The following EPHA3 variants were observed in gnomAD, a reference collection of about 807,000 sequenced individuals.
EPHA3 encodes EPH receptor A3, also known as ephrin type-A receptor 3.
EPHA3 carries 42 observed loss-of-function variants against 107.1 expected under a neutral mutation model. That is an observed-to-expected ratio of 0.39 (90% CI 0.31 to 0.51). The LOEUF is 0.51. EPHA3 is among the 20% of genes least tolerant of loss of function. The pLI is 0.78. For missense variants in EPHA3, 1,183 were observed against 1,211.2 expected (o/e 0.98, Z 0.35); for synonymous variants, 461 against 424.8 (o/e 1.09, Z -1.05).
chr3:89,318,650 A>C (rs552465891), intron 3 of EPHA3, among the ~76,000 whole-genome samples: 1 of 152,022 alleles, frequency 6.6e-6, no homozygotes, highest in Admixed American at 6.6e-5. Context: ...TTTCATTTCC[A>C]AACACATGCT....
chr3:89,230,014 A>G (rs1704591731), intron 3 of EPHA3, among the ~76,000 whole-genome samples: 1 of 152,128 alleles, frequency 6.6e-6, no homozygotes, highest in Non-Finnish European at 1.5e-5. Flanking sequence ...CCACCTTGAA[A>G]TATATAAGTC....
rs1373310322 is a variant in EPHA3 at position 89,342,143 on chromosome 3, G to C, written c.1306+53G>C. The C allele has an allele frequency of 3.5e-5, 52 of 1,473,962 alleles. 1 individual carries two copies. The South Asian group carries it at 6.1e-4, about 17-fold the overall frequency. 91.3% of individuals were successfully genotyped at this position (1,473,962 alleles called of 1,614,324 possible). ...CTTATCATATCACGTCTGAGTAATG[G>C]TTTTGACTCTGGGTGGAAAACTGGG... On this transcript the variant is annotated intron_variant, in intron 5 of 16. Coordinates refer to ENST00000336596, the MANE Select transcript of EPHA3 (RefSeq NM_005233.6).
At chr3:89,193,625 T>C (rs1446506646) in intron 2 of EPHA3, among the ~76,000 whole-genome samples, 1 of 151,958 alleles carries the variant, frequency 6.6e-6, no homozygotes, top group East Asian at 1.9e-4. Context: ...TATGAAATCA[T>C]AGATATACTC....
intron 2 of EPHA3, among the ~76,000 whole-genome samples, chr3:89,159,072 G>T (rs1344690842): frequency 6.6e-6 from 1 of 151,856 alleles, no homozygotes; most frequent in African/African-American, 2.4e-5. Context: ...TAATATATTA[G>T]TTCATTTTGT....
At chr3:89,132,468 T>C (rs1704227268) in intron 2 of EPHA3, among the ~76,000 whole-genome samples, 2 of 152,218 alleles carry the variant, frequency 1.3e-5, no homozygotes, top group Non-Finnish European at 2.9e-5. Context: ...TACTTTAGTA[T>C]GATGTCAAAA....
At chr3:89,235,979 T>C (rs1016994188) in intron 3 of EPHA3, among the ~76,000 whole-genome samples, 1 of 151,966 alleles carries the variant, frequency 6.6e-6, no homozygotes, top group African/African-American at 2.4e-5. Flanking sequence ...TGGGAAGAAA[T>C]GTTCCATATC....
At chr3:89,183,178 G>A (rs191723602) in intron 2 of EPHA3, among the ~76,000 whole-genome samples, 1 of 151,918 alleles carries the variant, frequency 6.6e-6, no homozygotes, top group African/African-American at 2.4e-5. Context: ...TTCATAGATA[G>A]CTACAGATTT....
chr3:89,142,189 T>G lies in EPHA3; in HGVS notation c.153+14916T>G, dbSNP rs563472372. ...CTTTAAATAGAATTTTAAACAATAA[T>G]AGCCTTAGGAAATGTCTACCATATC... On this transcript the variant is annotated intron_variant, in intron 2 of 16. Transcript: ENST00000336596. 1.8e-4 allele frequency among the ~76,000 whole-genome samples: 27 copies of G among 151,528 alleles called. No homozygotes were observed. In the Middle Eastern group the frequency reaches 0.01, roughly 57 times the overall value.
At chr3:89,185,295 T>G (rs776966362) in intron 2 of EPHA3, among the ~76,000 whole-genome samples, 4 of 152,070 alleles carry the variant, frequency 2.6e-5, no homozygotes, top group Non-Finnish European at 5.9e-5. Context: ...AAAAAAAAGT[T>G]TGGTGACTTT....
chr3:89,324,434 G>A (rs752987092), intron 3 of EPHA3, among the ~76,000 whole-genome samples: 11 of 151,846 alleles, frequency 7.2e-5, no homozygotes, highest in African/African-American at 2.2e-4. Context: ...GCCTCCAGGC[G>A]CTGTGGCTCA....
rs1259444587 is a variant in EPHA3 at position 89,340,968 on chromosome 3, G to C, written c.867G>C (p.Lys289Asn). ...KALDGNMKCA[K>N]CPPHSSTQED... ...TGGATGGTAATATGAAGTGTGCTAA[G>C]TGCCCGCCTCACAGTTCTACTCAGG... The change falls in exon 4 of 17, where the codon AAG becomes AAC. Residue 289 changes from lysine to asparagine, a missense_variant. Transcript: ENST00000336596. 6.2e-7 allele frequency: 1 copy of C among 1,614,002 alleles called. No homozygotes were observed. The highest frequency in any genetic ancestry group is 1.3e-5 in the African/African-American group (1 of 74,906).
At chr3:89,233,161 A>T (rs1704676335) in intron 3 of EPHA3, among the ~76,000 whole-genome samples, 1 of 152,212 alleles carries the variant, frequency 6.6e-6, no homozygotes. Flanking sequence ...AGAGTATTTG[A>T]AATATATATA....
intron 3 of EPHA3, among the ~76,000 whole-genome samples, chr3:89,290,394 T>C (rs1453739244): frequency 6.6e-6 from 1 of 152,132 alleles, no homozygotes; most frequent in Non-Finnish European, 1.5e-5. Context: ...CTCATCAGAA[T>C]TGTGTGGGGA....
intron 3 of EPHA3, among the ~76,000 whole-genome samples, chr3:89,213,249 C>A (rs1441470585): frequency 6.6e-6 from 1 of 151,916 alleles, no homozygotes; most frequent in Non-Finnish European, 1.5e-5. Context: ...TAAGGGGAGA[C>A]ACCAGAAATG....
At chr3:89,286,281 T>C (rs1174900124) in intron 3 of EPHA3, among the ~76,000 whole-genome samples, 2 of 151,274 alleles carry the variant, frequency 1.3e-5, no homozygotes, top group African/African-American at 4.9e-5. Flanking sequence ...GTAAGAGAAG[T>C]GAGGCAGATC....
chr3:89,162,415 T>A (rs982757850), intron 2 of EPHA3, among the ~76,000 whole-genome samples: 3 of 152,184 alleles, frequency 2.0e-5, no homozygotes, highest in Non-Finnish European at 4.4e-5. Context: ...GCAAATGCAA[T>A]GACCTAGCAG....
intron 2 of EPHA3, among the ~76,000 whole-genome samples, chr3:89,171,071 T>C (rs769716922): frequency 8.5e-5 from 13 of 152,072 alleles, no homozygotes; most frequent in Non-Finnish European, 1.3e-4. Context: ...ATTTTCAGAT[T>C]GGTACAAATT....
At chr3:89,181,907 T>A (rs1705451425) in intron 2 of EPHA3, among the ~76,000 whole-genome samples, 1 of 151,962 alleles carries the variant, frequency 6.6e-6, no homozygotes, top group African/African-American at 2.4e-5. Context: ...TGCTAGTACC[T>A]TTTTTAAGGG....
intron 5 of EPHA3, among the ~76,000 whole-genome samples, chr3:89,348,505 T>C (rs1189888591): frequency 7.5e-6 from 1 of 132,868 alleles, no homozygotes; most frequent in African/African-American, 3.2e-5. Flanking sequence ...TTCTTCTCTC[T>C]TTTTTTCTTT....
Sources: allele counts gnomAD v4.1 joint callset (sites outside exome capture counted in the v4.1 genomes callset), GRCh38; gene constraint gnomAD v4.1.1; transcripts MANE v1.5; gene names NCBI Gene and HGNC (gene_info 2026-07-23, HGNC 2026-07-21).